Variants in PSD3 observed in about 807,000 individuals in gnomAD.
PSD3 encodes the protein pleckstrin and Sec7 domain containing 3, also known as PH and SEC7 domain-containing protein 3.
A neutral mutation model predicts 105.5 loss-of-function variants in PSD3; 49 were observed. The ratio of observed to expected loss-of-function variants is 0.46; its 90% confidence interval spans 0.37 to 0.59. PSD3 has a LOEUF of 0.59. Ranked by LOEUF, PSD3 falls within the 20% of genes least tolerant of loss-of-function variation. The pLI is 0.00. For synonymous variants in PSD3, 557 were observed against 457.8 expected, an observed-to-expected ratio of 1.22 and a Z score of -2.77; for missense variants, 1,561 against 1,263.8, an observed-to-expected ratio of 1.24 and a Z score of -3.57.
chr8:18,820,845 C>T (rs1237034535), intron 4 of PSD3, among the ~76,000 whole-genome samples: 1 of 142,056 alleles, frequency 7.0e-6, no homozygotes, highest in Non-Finnish European at 1.5e-5. Flanking sequence ...CCTCAGCCTC[C>T]TGGGCACAGG....
At chr8:18,920,968 C>G (rs1041725542) in intron 2 of PSD3, among the ~76,000 whole-genome samples, 23 of 152,144 alleles carry the variant, frequency 1.5e-4, no homozygotes, top group Admixed American at 1.2e-3. Context: ...CGTGATTCTA[C>G]CTATACTTAT....
chr8:18,606,512 A>C (rs904918577), intron 11 of PSD3, among the ~76,000 whole-genome samples: 1 of 152,208 alleles, frequency 6.6e-6, no homozygotes, highest in African/African-American at 2.4e-5. Flanking sequence ...AGAGTTTCAG[A>C]ATCTGTAGGC....
intron 2 of PSD3, among the ~76,000 whole-genome samples, chr8:18,902,569 G>C (rs748479514): frequency 6.6e-6 from 1 of 151,990 alleles, no homozygotes; most frequent in Non-Finnish European, 1.5e-5. Context: ...TTCATGTCTT[G>C]TCTCCCTGTG....
At chr8:18,643,114 C>T (rs1442405945) in intron 10 of PSD3, among the ~76,000 whole-genome samples, 1 of 152,120 alleles carries the variant, frequency 6.6e-6, no homozygotes, top group African/African-American at 2.4e-5. Flanking sequence ...GTTCTGGAGA[C>T]TGGGAAGTCC....
chr8:18,904,416 G>A (rs1004911231), intron 2 of PSD3, among the ~76,000 whole-genome samples: 1 of 152,144 alleles, frequency 6.6e-6, no homozygotes, highest in Non-Finnish European at 1.5e-5. Flanking sequence ...GGCTGCCCAA[G>A]GCTTCAGCGG....
In PSD3 at chr8:18,532,408, C is replaced by A. The variant is rs944037004; in HGVS notation, c.*3335G>T. The A allele has an allele frequency of 1.3e-5, 2 of 152,166 alleles. No individual in the cohort carries two copies. The highest frequency in any genetic ancestry group is 2.9e-5 in the Non-Finnish European group (2 of 68,042). 9.4% of individuals were successfully genotyped at this position (152,166 alleles called of 1,614,324 possible). On this transcript the variant is annotated 3_prime_UTR_variant, in exon 16 of 16. Transcript: ENST00000327040. ...ATGTCACTTTTGCCCAGGGGCCAGTCCTCATTTTCTAGATTAGGATAACAG... is the reference window on the plus strand; with the variant it reads ...ATGTCACTTTTGCCCAGGGGCCAGTACTCATTTTCTAGATTAGGATAACAG...
At chr8:18,940,506 A>G (rs1822464619) in intron 1 of PSD3, 1 of 152,230 alleles carries the variant, frequency 6.6e-6, no homozygotes, top group African/African-American at 2.4e-5. Context: ...AAAATTCACT[A>G]AAGGGCTCTG....
intron 4 of PSD3, among the ~76,000 whole-genome samples, chr8:18,844,585 C>G (rs949878450): frequency 6.6e-6 from 1 of 152,088 alleles, no homozygotes; most frequent in Non-Finnish European, 1.5e-5. Context: ...TGAAAACACA[C>G]TGATGCTAAA....
chr8:18,863,601 T>C (rs749819086), intron 4 of PSD3, among the ~76,000 whole-genome samples: 1 of 152,174 alleles, frequency 6.6e-6, no homozygotes, highest in South Asian at 2.1e-4. Context: ...AGTATTGCCA[T>C]TGAAAGTAAT....
At chr8:18,769,035 C>T (rs79620772) in intron 8 of PSD3, among the ~76,000 whole-genome samples, 6,114 of 152,220 alleles carry the variant, frequency 0.04, 178 homozygotes, top group Non-Finnish European at 0.066. Flanking sequence ...ATACTGAAGA[C>T]GACAATAACT....
At chr8:18,799,499 G>A in intron 7 of PSD3, 146 bp from the exon 8 acceptor site, 1 of 633,314 alleles carries the variant, frequency 1.6e-6, no homozygotes, top group Non-Finnish European at 2.7e-6. Flanking sequence ...ACAAAAAATG[G>A]ATAAGAATAA....
At chr8:18,935,836 A>G (rs1159811975) in intron 2 of PSD3, among the ~76,000 whole-genome samples, 198 bp downstream of exon 2, 1 of 152,376 alleles carries the variant, frequency 6.6e-6, no homozygotes, top group East Asian at 1.9e-4. Flanking sequence ...ACATGACTTG[A>G]AATTACCAAG....
At chr8:18,712,167 A>ATGTG (rs1440464921) in intron 9 of PSD3, among the ~76,000 whole-genome samples, 1 of 152,158 alleles carries the variant, frequency 6.6e-6, no homozygotes, top group Non-Finnish European at 1.5e-5. Flanking sequence ...CCACAGCAAA[A>ATGTG]AGCTACAAAG....
chr8:18,558,685 G>C (rs1801222100), intron 14 of PSD3, among the ~76,000 whole-genome samples: 1 of 152,126 alleles, frequency 6.6e-6, no homozygotes, highest in Non-Finnish European at 1.5e-5. Flanking sequence ...GCCAGGCGTG[G>C]TAGCACGTGC....
rs144547269 is a variant in PSD3, at chr8:18,645,514, C to T, written c.2216+10128G>A. Reference sequence around the variant, plus strand: ...CTGAATATAAATAGAACAATCAAACCAATAATATCCTTTACATAACCACTA... The same window carrying T: ...CTGAATATAAATAGAACAATCAAACTAATAATATCCTTTACATAACCACTA... On this transcript the variant is annotated intron_variant, in intron 10 of 15. Coordinates refer to ENST00000327040, the MANE Select transcript of PSD3 (RefSeq NM_015310.4). 2.5e-4 allele frequency among the ~76,000 whole-genome samples: 38 copies of T among 152,256 alleles called. No individual in the cohort carries two copies. The East Asian group carries it at 6.0e-3, about 24-fold the overall frequency.
chr8:18,618,426 T>C (rs1474495058), intron 11 of PSD3, among the ~76,000 whole-genome samples: 3 of 151,480 alleles, frequency 2.0e-5, no homozygotes, highest in African/African-American at 7.2e-5. Context: ...ATAAGCCTCT[T>C]CAAATATTTT....
upstream of PSD3, among the ~76,000 whole-genome samples, chr8:19,017,840 G>A (rs948512852): frequency 6.6e-6 from 1 of 152,018 alleles, no homozygotes; most frequent in Non-Finnish European, 1.5e-5. Flanking sequence ...CTACTTTTTG[G>A]CTGTTAGGAA....
At chr8:18,776,492 G>T (rs335223) in intron 8 of PSD3, among the ~76,000 whole-genome samples, 144,758 of 151,814 alleles carry the variant, frequency 0.95, 69,195 homozygotes, top group Non-Finnish European at 0.97. Flanking sequence ...CAAGTGATTC[G>T]TCTGCCTCAG....
At chr8:18,593,314 G>A (rs1441044264) in intron 12 of PSD3, among the ~76,000 whole-genome samples, 1 of 152,156 alleles carries the variant, frequency 6.6e-6, no homozygotes, top group East Asian at 1.9e-4. Context: ...GTGGGTGAAG[G>A]ATATGAACAG....
Sources: gnomAD v4.1 joint callset for allele counts (sites outside exome capture counted in the v4.1 genomes callset) on GRCh38, gnomAD v4.1.1 for gene constraint, MANE v1.5 for transcripts, NCBI Gene and HGNC (gene_info 2026-07-23, HGNC 2026-07-21) for gene names.